Variants in MMP16 observed in about 807,000 individuals in gnomAD.
The protein encoded by MMP16 is matrix metalloproteinase-16.
Under a neutral mutation model 67.8 loss-of-function variants are expected in MMP16, and 12 were observed. That is an observed-to-expected ratio of 0.18 (90% confidence interval 0.11 to 0.29). The LOEUF is 0.29. Among genes scored for constraint, MMP16 ranks in the 10% least tolerant of loss-of-function variants. The probability of loss-of-function intolerance (pLI) is 1.00; values close to 1 mark genes in which losing one functional copy is unlikely to be tolerated. For synonymous variants in MMP16, 249 were observed against 255.9 expected (o/e 0.97, Z 0.26); for missense variants, 475 against 765.7 (o/e 0.62, Z 4.48).
intron 1 of MMP16, among the ~76,000 whole-genome samples, chr8:88,296,686 A>T (rs1158425406): frequency 1.3e-5 from 2 of 151,860 alleles, no homozygotes; most frequent in African/African-American, 4.8e-5. Context: ...ATACAAAATT[A>T]GCCAGGATGA....
At chr8:88,296,267 G>C (rs932158908) in intron 1 of MMP16, among the ~76,000 whole-genome samples, 1 of 152,066 alleles carries the variant, frequency 6.6e-6, no homozygotes, top group Non-Finnish European at 1.5e-5. Context: ...ATGAATAATG[G>C]TTTAAAGTGC....
chr8:88,179,996 T>C (rs527790294), intron 3 of MMP16, among the ~76,000 whole-genome samples: 1 of 152,300 alleles, frequency 6.6e-6, no homozygotes, highest in East Asian at 1.9e-4. Context: ...TAAATGTGAA[T>C]ACTAGGTGGG....
At chr8:88,252,009 G>C (rs1390509460) in intron 1 of MMP16, among the ~76,000 whole-genome samples, 2 of 117,082 alleles carry the variant, frequency 1.7e-5, no homozygotes, top group Admixed American at 9.4e-5. Context: ...TGCTGGAGAG[G>C]ATGTGGAGAA....
chr8:88,137,916 ATTGAG>A (rs1563542888), intron 4 of MMP16, among the ~76,000 whole-genome samples: 1 of 151,966 alleles, frequency 6.6e-6, no homozygotes, highest in East Asian at 1.9e-4. Flanking sequence ...AAATACATCT[ATTGAG>A]TTGTTAATTT....
chr8:88,035,277 A>G lies in MMP16; in HGVS notation c.*6184T>C, dbSNP rs530582733. The G allele has an allele frequency of 4.6e-5, 7 of 152,194 alleles. No individual in the cohort carries two copies. The East Asian group carries it at 1.3e-3, about 29-fold the overall frequency. The allele number at this position is 152,194 out of a possible 1,614,324, so 9.4% of individuals were successfully genotyped here. On this transcript the variant is annotated 3_prime_UTR_variant, in exon 10 of 10. Coordinates refer to ENST00000286614, the MANE Select transcript of MMP16 (RefSeq NM_005941.5). This position sits in a 1 kb window ranked among gnomAD's most constrained non-coding sequence, Gnocchi z 4.7. ...GGGCATATAAATTCAGCTCTACAGC[A>G]GAGCACATGGGAAAGTTATATGAAT...
intron 3 of MMP16, among the ~76,000 whole-genome samples, chr8:88,169,238 A>C (rs1808762782): frequency 1.3e-5 from 2 of 152,308 alleles, no homozygotes; most frequent in South Asian, 4.1e-4. Context: ...TTCCAGTGGA[A>C]AAAAATAATA....
rs1586168095 is a variant in MMP16 at position 88,133,760 on chromosome 8, A to G, written c.710-14899T>C. Among the ~76,000 whole-genome samples, 3 of 151,972 alleles carry G rather than the reference A, an allele frequency of 2.0e-5. No individual in the cohort carries two copies. The South Asian group carries it at 6.2e-4, about 31-fold the overall frequency. ...ATGTGACAGACATTATTAAAATTTT[A>G]ATATAAAAATTCACTGGTTTTCTCT... On this transcript the variant is annotated intron_variant, in intron 4 of 9. Transcript: ENST00000286614.
chr8:88,067,875 T>A (rs1259823655), intron 7 of MMP16, among the ~76,000 whole-genome samples: 5 of 152,170 alleles, frequency 3.3e-5, no homozygotes, highest in African/African-American at 4.8e-5. Flanking sequence ...CTGCTTTGAA[T>A]ATTCATGTAG....
chr8:88,231,920 C>T (rs1809865606), intron 1 of MMP16, among the ~76,000 whole-genome samples: 1 of 151,912 alleles, frequency 6.6e-6, no homozygotes, highest in Admixed American at 6.6e-5. Context: ...ATTCATTATC[C>T]TATCTAAAAT....
chr8:88,202,648 C>CTTTATGTGTGT (rs1809361915), intron 1 of MMP16, among the ~76,000 whole-genome samples: 1 of 152,012 alleles, frequency 6.6e-6, no homozygotes, highest in African/African-American at 2.4e-5. Context: ...TACACACACA[C>CTTTATGTGTGT]ACACATAAAT....
At chr8:88,325,650 A>G (rs544458852) in intron 1 of MMP16, among the ~76,000 whole-genome samples, 2 of 152,342 alleles carry the variant, frequency 1.3e-5, no homozygotes, top group African/African-American at 4.8e-5. Context: ...TGCAATAAAA[A>G]AAGTCTGGAC....
intron 3 of MMP16, among the ~76,000 whole-genome samples, chr8:88,174,955 T>G (rs1262801029): frequency 1.3e-5 from 2 of 152,142 alleles, no homozygotes; most frequent in Non-Finnish European, 2.9e-5. Flanking sequence ...GGTTTCACCA[T>G]GTTGGTCAGG....
intron 1 of MMP16, among the ~76,000 whole-genome samples, chr8:88,235,694 G>A (rs1809929932): frequency 6.6e-6 from 1 of 151,978 alleles, no homozygotes; most frequent in African/African-American, 2.4e-5. Flanking sequence ...TCGGAGAGGG[G>A]GTGCCCAGAA....
At position 88,061,127 on chromosome 8, in the gene MMP16, T is replaced by TACACAC. The variant is rs149547108; in HGVS notation, c.1223-4855_1223-4850dup. On this transcript the variant is annotated intron_variant, in intron 7 of 9. Coordinates refer to ENST00000286614, the MANE Select transcript of MMP16 (RefSeq NM_005941.5). ...GAGCCCTTGTATAATCTGAATATTA[T>TACACAC]ACACACACACACACACACACACACA... 6.4e-3 allele frequency among the ~76,000 whole-genome samples: 919 copies of TACACAC among 143,142 alleles called. 5 individuals carry two copies. Among genetic ancestry groups the TACACAC allele is most frequent in the Non-Finnish European group, 7.0e-3 (463 of 65,712 alleles). 93.9% of individuals were successfully genotyped at this position (143,142 alleles called of 152,430 possible).
intron 1 of MMP16, among the ~76,000 whole-genome samples, chr8:88,294,572 GTA>G (rs139970696): frequency 0.029 from 4,455 of 151,394 alleles, 160 homozygotes; most frequent in East Asian, 0.082. Flanking sequence ...ACACACATAT[GTA>G]TATATGTCTC....
intron 1 of MMP16, among the ~76,000 whole-genome samples, chr8:88,316,739 T>C (rs1051487731): frequency 6.6e-6 from 1 of 152,184 alleles, no homozygotes; most frequent in African/African-American, 2.4e-5. Context: ...TCAAGTCTCA[T>C]TATATAAGAC....
chr8:88,144,195 C>T (rs1308612315), intron 4 of MMP16, among the ~76,000 whole-genome samples: 2 of 151,936 alleles, frequency 1.3e-5, no homozygotes, highest in Non-Finnish European at 1.5e-5. Flanking sequence ...GTATTTCCTT[C>T]GTCACTGTCC....
At chr8:88,110,178 C>G (rs2118408361) in intron 6 of MMP16, among the ~76,000 whole-genome samples, 1 of 151,106 alleles carries the variant, frequency 6.6e-6, no homozygotes, top group African/African-American at 2.4e-5. Flanking sequence ...TTAAACTCAC[C>G]CAAAAACAAA....
At chr8:88,315,885 A>C (rs1811368846) in intron 1 of MMP16, among the ~76,000 whole-genome samples, 1 of 152,190 alleles carries the variant, frequency 6.6e-6, no homozygotes, top group African/African-American at 2.4e-5. Flanking sequence ...TTGTAAATGC[A>C]AGGGAAAAGT....
Sources: gnomAD v4.1 joint callset for allele counts (sites outside exome capture counted in the v4.1 genomes callset) on GRCh38, gnomAD v4.1.1 for gene constraint, Gnocchi (gnomAD v3.1) non-coding constraint, MANE v1.5 for transcripts, NCBI Gene and HGNC (gene_info 2026-07-23, HGNC 2026-07-21) for gene names.